CDIN1: variants seen among roughly 807,000 people sequenced by gnomAD.
CDIN1 encodes the protein CDAN1-interacting nuclease 1.
CDIN1 carries 33 observed loss-of-function variants against 45.3 expected under a neutral mutation model. The observed-to-expected ratio is 0.73, with a 90% CI of 0.55 to 0.97. CDIN1 has a LOEUF of 0.97. CDIN1 is among the 50% of genes least tolerant of loss of function. CDIN1 has a pLI of 0.00. For synonymous variants in CDIN1, 118 were observed against 124.4 expected (o/e 0.95, Z 0.34); for missense variants, 303 against 339.4 (o/e 0.89, Z 0.84).
At chr15:36,665,798 ACTT>A (rs1330476871) in intron 5 of CDIN1, among the ~76,000 whole-genome samples, 1 of 152,136 alleles carries the variant, frequency 6.6e-6, no homozygotes, top group Non-Finnish European at 1.5e-5. Context: ...GATTTCATAT[ACTT>A]TTTTTTTCTG....
intron 10 of CDIN1, among the ~76,000 whole-genome samples, chr15:36,795,822 C>T (rs2054780479): frequency 6.6e-6 from 1 of 152,100 alleles, no homozygotes; most frequent in South Asian, 2.1e-4. Context: ...CCCATCTCAG[C>T]CTCCTAAAAT....
rs760413130 is a variant in CDIN1 at position 36,636,579 on chromosome 15, A to G, written c.102-7699A>G. ...AAACAAAAACAAAAAAAACAAAAGA[A>G]CGTAACGGAGATGAAAGAGTGGAAA... On this transcript the variant is annotated intron_variant, in intron 1 of 10. Coordinates refer to ENST00000566621, the MANE Select transcript of CDIN1 (RefSeq NM_001321759.2). Among the ~76,000 whole-genome samples the G allele has an allele frequency of 2.0e-5, 3 of 152,110 alleles. No homozygotes were observed. In the East Asian group the frequency reaches 5.8e-4, roughly 30 times the overall value.
chr15:36,673,136 G>C (rs1474021360), intron 5 of CDIN1, among the ~76,000 whole-genome samples: 1 of 152,044 alleles, frequency 6.6e-6, no homozygotes, highest in Non-Finnish European at 1.5e-5. Context: ...ATTTCTAGTG[G>C]GAAGATAAAT....
chr15:36,701,118 G>GTAGATAGGTAGATAGATAGATAGA (rs766019218), intron 8 of CDIN1, among the ~76,000 whole-genome samples: 1 of 107,026 alleles, frequency 9.3e-6, no homozygotes, highest in South Asian at 2.9e-4. Context: ...AGATAGATAG[G>GTAGATAGGTAGATAGATAGATAGA]TAGGTAGATA....
intron 10 of CDIN1, among the ~76,000 whole-genome samples, chr15:36,800,493 G>A (rs947569860): frequency 6.6e-6 from 1 of 152,030 alleles, no homozygotes; most frequent in Non-Finnish European, 1.5e-5. Flanking sequence ...CACATACTTT[G>A]CATATAAACA....
intron 10 of CDIN1, among the ~76,000 whole-genome samples, chr15:36,743,339 T>C (rs910186307): frequency 1.3e-5 from 2 of 152,146 alleles, no homozygotes; most frequent in Admixed American, 1.3e-4. Flanking sequence ...AGCAAAGTCA[T>C]AGAGTAGGGT....
At chr15:36,745,118 G>A (rs1403353327) in intron 10 of CDIN1, among the ~76,000 whole-genome samples, 1 of 152,064 alleles carries the variant, frequency 6.6e-6, no homozygotes, top group Non-Finnish European at 1.5e-5. Context: ...AAACATCAGA[G>A]GTTTCTGATA....
rs71126233 is a variant in CDIN1, at chr15:36,703,219, A to AAT, written c.544+5842_544+5843dup. On this transcript the variant is annotated intron_variant, in intron 8 of 10. Coordinates refer to ENST00000566621, the MANE Select transcript of CDIN1 (RefSeq NM_001321759.2). ...GGCAATAGAGTGAGACCCTGTCTCA[A>AAT]ATATATATATATATCAGATATATAT... Among the ~76,000 whole-genome samples, 14 of 57,360 alleles carry AAT rather than the reference A, an allele frequency of 2.4e-4. 4 individuals carry two copies. In the South Asian group the frequency reaches 2.8e-3, roughly 11 times the overall value. 37.6% of individuals were successfully genotyped at this position (57,360 alleles called of 152,430 possible).
At chr15:36,586,480 A>G (rs1397110944) in intron 1 of CDIN1, among the ~76,000 whole-genome samples, 1 of 152,158 alleles carries the variant, frequency 6.6e-6, no homozygotes, top group Non-Finnish European at 1.5e-5. Context: ...CACGATTTTC[A>G]TTGGTATTTG....
chr15:36,659,011 CAAGA>C (rs1226253027), intron 5 of CDIN1, among the ~76,000 whole-genome samples: 2 of 152,142 alleles, frequency 1.3e-5, no homozygotes, highest in Non-Finnish European at 2.9e-5. Flanking sequence ...TCGATTTAAT[CAAGA>C]AAGAGATTAA....
intron 10 of CDIN1, among the ~76,000 whole-genome samples, chr15:36,721,223 CT>C (rs1405955501): frequency 6.6e-6 from 1 of 151,952 alleles, no homozygotes; most frequent in Admixed American, 6.6e-5. Context: ...ATTCTGTAGG[CT>C]GCCTGTTCAC....
chr15:36,767,426 T>G lies in CDIN1; in HGVS notation c.717-40898T>G, dbSNP rs553703164. Reference sequence around the variant, plus strand: ...GAATGTGTAGCCCCATCCCCTTTTATGGAAATGGCCTTACAAAGTCACCTA... The same window carrying G: ...GAATGTGTAGCCCCATCCCCTTTTAGGGAAATGGCCTTACAAAGTCACCTA... On this transcript the variant is annotated intron_variant, in intron 10 of 10. Transcript: ENST00000566621. Among the ~76,000 whole-genome samples the G allele has an allele frequency of 2.8e-4, 42 of 152,358 alleles. 1 individual carries two copies. In the South Asian group the frequency reaches 8.5e-3, roughly 31 times the overall value.
At chr15:36,637,263 C>T (rs1349596166) in intron 1 of CDIN1, among the ~76,000 whole-genome samples, 1 of 152,020 alleles carries the variant, frequency 6.6e-6, no homozygotes, top group Non-Finnish European at 1.5e-5. Context: ...AATCATACAC[C>T]TAAACGTAAA....
chr15:36,645,132 C>T (rs1034914772), intron 2 of CDIN1, 91 bp from the exon 3 acceptor site: 68 of 1,022,966 alleles, frequency 6.6e-5, no homozygotes, highest in Non-Finnish European at 9.6e-5. Flanking sequence ...ATGTGCTAGT[C>T]ACTGGGCTCA....
rs143548305 is a variant in CDIN1 at position 36,668,584 on chromosome 15, G to T, written c.346+10679G>T. ...GCAATGAACGAGTGGGAGAATCTGT[G>T]TCTTCTGATTTCAGATTCATCCTCT... On this transcript the variant is annotated intron_variant, in intron 5 of 10. Transcript: ENST00000566621. Among the ~76,000 whole-genome samples the T allele has an allele frequency of 5.7e-4, 87 of 152,228 alleles. 1 individual carries two copies. The highest frequency in any genetic ancestry group is 1.9e-3 in the African/African-American group (78 of 41,564).
Position 36,594,919 on chromosome 15 carries a change from G to T in CDIN1, c.101+14958G>T, listed in dbSNP as rs1282001453. The T allele has an allele frequency of 1.3e-5, 13 of 985,030 alleles. No individual in the cohort carries two copies. In the African/African-American group the frequency reaches 2.3e-4, roughly 17 times the overall value. 61.0% of individuals were successfully genotyped at this position (985,030 alleles called of 1,614,324 possible). A position where few individuals can be genotyped will look rare whatever the true frequency, so the allele number is the denominator to read the frequency against. On this transcript the variant is annotated intron_variant, in intron 1 of 10. Coordinates refer to ENST00000566621, the MANE Select transcript of CDIN1 (RefSeq NM_001321759.2). ...AAGCTCAGCTTTCTGTTTAGTTGTG[G>T]TAAGTTCATCTGTTTTTATGAAGTT...
At chr15:36,588,629 G>A (rs990970136) in intron 1 of CDIN1, among the ~76,000 whole-genome samples, 35 of 152,206 alleles carry the variant, frequency 2.3e-4, no homozygotes, top group African/African-American at 8.4e-4. Context: ...TCTAAGAAAA[G>A]AGTATGATTA....
intron 7 of CDIN1, among the ~76,000 whole-genome samples, chr15:36,695,440 T>A (rs1020833487): frequency 1.2e-4 from 18 of 152,154 alleles, no homozygotes; most frequent in Admixed American, 3.9e-4. Context: ...TCTCATCTGT[T>A]TGGAAAATAC....
At chr15:36,622,412 C>G (rs1039890123) in intron 1 of CDIN1, among the ~76,000 whole-genome samples, 1 of 151,996 alleles carries the variant, frequency 6.6e-6, no homozygotes, top group South Asian at 2.1e-4. Context: ...TAGAGAGAGG[C>G]AGTGTTCATA....
Sources: gnomAD v4.1 joint callset for allele counts (sites outside exome capture counted in the v4.1 genomes callset) on GRCh38, gnomAD v4.1.1 for gene constraint, MANE v1.5 for transcripts, NCBI Gene and HGNC (gene_info 2026-07-23, HGNC 2026-07-21) for gene names.